The following PLAT variants were observed in gnomAD, a reference collection of about 807,000 sequenced individuals.
PLAT encodes the protein tissue-type plasminogen activator.
Under a neutral mutation model 74.9 loss-of-function variants are expected in PLAT, and 48 were observed. That is an observed-to-expected ratio of 0.64 (90% CI 0.51 to 0.82). The LOEUF (loss-of-function observed/expected upper bound fraction) is 0.82. Among genes scored for constraint, PLAT ranks in the 40% least tolerant of loss-of-function variants. The pLI is 0.00. For missense variants in PLAT, 673 were observed against 736.2 expected (o/e 0.91, Z 0.99); for synonymous variants, 307 against 294.4 (o/e 1.04, Z -0.44).
At chr8:42,206,388 C>T (rs189986607) in intron 1 of PLAT, among the ~76,000 whole-genome samples, 6 of 152,292 alleles carry the variant, frequency 3.9e-5, no homozygotes, top group East Asian at 1.9e-4. Flanking sequence ...TCATGCTGAC[C>T]GTCATGGATT....
chr8:42,183,063 G>T (rs150193995), intron 7 of PLAT, among the ~76,000 whole-genome samples, 173 bp from the exon 8 acceptor site: 49 of 152,274 alleles, frequency 3.2e-4, no homozygotes, highest in African/African-American at 1.1e-3. Context: ...GGAGTGCAAT[G>T]CGCGATCTTG....
chr8:42,198,539 G>A (rs1451988223), intron 1 of PLAT, among the ~76,000 whole-genome samples: 1 of 152,188 alleles, frequency 6.6e-6, no homozygotes, highest in African/African-American at 2.4e-5. Flanking sequence ...TACACATGTA[G>A]TCAATCAATG....
Position 42,175,884 on chromosome 8 carries a change from G to T in PLAT, c.*109C>A. On this transcript the variant is annotated 3_prime_UTR_variant, in exon 14 of 14. Coordinates refer to ENST00000220809, the MANE Select transcript of PLAT (RefSeq NM_000930.5). ...CTGTAGGGTCTCGTCCCGCTTCTGC[G>T]GTGTGGTGGGTCTGGAGAAGTCTGT... 1.9e-6 allele frequency: 2 copies of T among 1,025,976 alleles called. No individual in the cohort carries two copies. Among genetic ancestry groups the T allele is most frequent in the South Asian group, 1.5e-5 (1 of 66,892 alleles). 63.6% of individuals were successfully genotyped at this position (1,025,976 alleles called of 1,614,324 possible).
intron 1 of PLAT, among the ~76,000 whole-genome samples, chr8:42,198,860 A>G (rs987180890): frequency 2.6e-5 from 4 of 151,874 alleles, no homozygotes; most frequent in Non-Finnish European, 5.9e-5. Flanking sequence ...TTAAAACAAC[A>G]CACTCTCCAC....
chr8:42,181,718 TTTTC>T (rs1230164225), intron 9 of PLAT, among the ~76,000 whole-genome samples: 2 of 152,176 alleles, frequency 1.3e-5, no homozygotes, highest in Admixed American at 1.3e-4. Flanking sequence ...TGCTGTGTTC[TTTTC>T]TTTCTTCTTG....
Position 42,179,839 on chromosome 8 carries a change from G to C in PLAT, c.1363+87C>G, listed in dbSNP as rs8178784. 2.8e-3 allele frequency: 3,824 copies of C among 1,353,106 alleles called. 94 individuals carry two copies. In the African/African-American group the frequency reaches 0.051, roughly 18 times the overall value. The allele number at this position is 1,353,106 out of a possible 1,614,324, so 83.8% of individuals were successfully genotyped here. ...TGCCTGACCCGGGGCTGGAACTTCG[G>C]TCTCCTGACCCCATTTTCCTCTGGT... is the stretch of plus-strand genomic sequence containing the variant. On this transcript the variant is annotated intron_variant, in intron 12 of 13. Coordinates refer to ENST00000220809, the MANE Select transcript of PLAT (RefSeq NM_000930.5).
rs1435391847 is a variant in PLAT, at chr8:42,193,195, A to T, written c.-10T>A. The stretch of plus-strand genomic sequence containing the variant: ...TCTTCATTGCATCCATGATTGCTTC[A>T]CAGCGTCCCTTAAATTCTGGAAGGA... On this transcript the variant is annotated 5_prime_UTR_variant, in exon 2 of 14. Transcript: ENST00000220809. The T allele has an allele frequency of 6.2e-7, 1 of 1,611,190 alleles. No individual in the cohort carries two copies.
chr8:42,197,526 TTGA>T (rs1377141124), intron 1 of PLAT, among the ~76,000 whole-genome samples: 1 of 152,128 alleles, frequency 6.6e-6, no homozygotes, highest in Non-Finnish European at 1.5e-5. Context: ...GGCTGAGAAA[TTGA>T]TGATCATGCC....
intron 6 of PLAT, chr8:42,185,841 A>G (rs1221993310): frequency 6.6e-6 from 1 of 152,240 alleles, no homozygotes; most frequent in Non-Finnish European, 1.5e-5. Flanking sequence ...TGTCCTAGAT[A>G]ATGTAGTTGG....
intron 1 of PLAT, among the ~76,000 whole-genome samples, chr8:42,200,720 A>C (rs937676374): frequency 6.6e-6 from 1 of 151,026 alleles, no homozygotes; most frequent in Non-Finnish European, 1.5e-5. Flanking sequence ...GTACGGTGAC[A>C]CATCTTGTGA....
chr8:42,203,730 C>T (rs1806218662), intron 1 of PLAT, among the ~76,000 whole-genome samples: 2 of 151,946 alleles, frequency 1.3e-5, no homozygotes, highest in African/African-American at 4.8e-5. Context: ...TTTGTGAGGC[C>T]ATGGCAAGAG....
At chr8:42,206,619 T>G (rs2129844051) in intron 1 of PLAT, 1 of 152,306 alleles carries the variant, frequency 6.6e-6, no homozygotes, top group Middle Eastern at 3.4e-3. Context: ...TTACCACACT[T>G]CTTTGAGCTT....
intron 1 of PLAT, among the ~76,000 whole-genome samples, chr8:42,196,507 C>A (rs1285142659): frequency 6.6e-6 from 1 of 152,156 alleles, no homozygotes; most frequent in Non-Finnish European, 1.5e-5. Flanking sequence ...AGTCTGAAAA[C>A]AAGAAAGAGC....
chr8:42,202,320 C>G (rs2129820624), intron 1 of PLAT, among the ~76,000 whole-genome samples: 1 of 152,212 alleles, frequency 6.6e-6, no homozygotes, highest in South Asian at 2.1e-4. Flanking sequence ...CAGGCAGGAG[C>G]TGTGTGCCCG....
Position 42,180,037 on chromosome 8 carries a change from G to T in PLAT, c.1252C>A (p.Arg418Ser), listed in dbSNP as rs761230661. ...ALLQLKSDSS[R>S]CAQESSVVRT... The stretch of plus-strand genomic sequence containing the variant: ...ACCACGCTGCTCTCCTGGGCACAGC[G>T]GGACGAATCCGATTTCAGCTGCAGC... The change falls in exon 12 of 14, where the codon CGC becomes AGC. Residue 418 changes from arginine (R) to serine (S), a missense_variant. By Grantham distance (110) the Arg-to-Ser change is moderately radical. Transcript: ENST00000220809. 3 of 1,609,204 alleles carry T rather than the reference G, an allele frequency of 1.9e-6. No individual in the cohort carries two copies. The highest frequency in any genetic ancestry group is 2.5e-6 in the Non-Finnish European group (3 of 1,177,028).
intron 1 of PLAT, among the ~76,000 whole-genome samples, chr8:42,203,984 T>TACAC (rs1231429627): frequency 2.5e-5 from 3 of 120,716 alleles, no homozygotes; most frequent in African/African-American, 1.6e-4. Flanking sequence ...TATATATATA[T>TACAC]ATATATATAC....
At chr8:42,187,167 C>A in intron 6 of PLAT, 1 of 422,706 alleles carries the variant, frequency 2.4e-6, no homozygotes, top group Non-Finnish European at 4.2e-6. Context: ...GTCTATTTAT[C>A]ATCTATCTAT....
At chr8:42,202,513 C>G (rs901454833) in intron 1 of PLAT, among the ~76,000 whole-genome samples, 2 of 152,138 alleles carry the variant, frequency 1.3e-5, no homozygotes, top group Admixed American at 6.6e-5. Flanking sequence ...CCCTGCCCCC[C>G]CAGCCCTCAA....
rs1325214613 is a variant in PLAT, at chr8:42,189,140, C to T, written c.116-69G>A. 3.2e-6 allele frequency: 5 copies of T among 1,547,458 alleles called. No individual in the cohort carries two copies. In the African/African-American group the frequency reaches 5.4e-5, roughly 17 times the overall value. On this transcript the variant is annotated intron_variant, in intron 3 of 13. Coordinates refer to ENST00000220809, the MANE Select transcript of PLAT (RefSeq NM_000930.5). Reference sequence around the variant, plus strand: ...ATGAAATGCCTCACTACCCTTGCACCTACTGAGAAAACTCCCTCACTTGCT... The same window carrying T: ...ATGAAATGCCTCACTACCCTTGCACTTACTGAGAAAACTCCCTCACTTGCT...
Sources: gnomAD v4.1 joint callset for allele counts (sites outside exome capture counted in the v4.1 genomes callset) on GRCh38, gnomAD v4.1.1 for gene constraint, MANE v1.5 for transcripts, NCBI Gene and HGNC (gene_info 2026-07-23, HGNC 2026-07-21) for gene names.